Variants in SORL1 observed in about 807,000 individuals in gnomAD.
SORL1 encodes sortilin-related receptor.
In SORL1, 127 loss-of-function variants were observed where a neutral mutation model predicts 273.7. That is an observed-to-expected ratio of 0.46 (90% confidence interval 0.40 to 0.54). SORL1 has a LOEUF of 0.54. Ranked by LOEUF, SORL1 falls within the 20% of genes least tolerant of loss-of-function variation. SORL1 has a pLI of 0.00. For synonymous variants in SORL1, 1,031 were observed against 1,067.4 expected (o/e 0.97, Z 0.66); for missense variants, 2,494 against 2,846.1 (o/e 0.88, Z 2.81).
chr11:121,554,393 G>A lies in SORL1; in HGVS notation c.2439+284G>A, dbSNP rs1862547880. ...GGAAGGTGTTGGGACTAGTAATGTA[G>A]GATGATTAGTTGCCCCCCTATTGTG... is the stretch of plus-strand genomic sequence containing the variant. On this transcript the variant is annotated intron_variant, in intron 17 of 47. Coordinates refer to ENST00000260197, the MANE Select transcript of SORL1 (RefSeq NM_003105.6). This position sits in a 1 kb window ranked among gnomAD's most constrained non-coding sequence, Gnocchi z 4.6. Among the ~76,000 whole-genome samples the A allele has an allele frequency of 6.6e-6, 1 of 152,184 alleles. No homozygotes were observed. Among genetic ancestry groups the A allele is most frequent in the South Asian group, 2.1e-4 (1 of 4,832 alleles).
intron 16 of SORL1, among the ~76,000 whole-genome samples, chr11:121,551,671 A>G (rs1437663100): frequency 1.3e-5 from 2 of 152,186 alleles, no homozygotes; most frequent in Non-Finnish European, 2.9e-5. Context: ...CACCGAATGA[A>G]TCATGAAAGA....
chr11:121,509,140 A>G (rs1861835510), intron 6 of SORL1, among the ~76,000 whole-genome samples: 1 of 148,096 alleles, frequency 6.8e-6, no homozygotes, highest in African/African-American at 2.5e-5. Context: ...TGTAAACAAC[A>G]TTAAGGTGGA....
In SORL1 at chr11:121,542,802, A is replaced by G. The variant is rs182551792; in HGVS notation, c.1686-746A>G. ...TGATTTAGTTATTGCAGTGGGGATA[A>G]TTTTTCTGTAATTATATTATATTAT... is the stretch of plus-strand genomic sequence containing the variant. On this transcript the variant is annotated intron_variant, in intron 12 of 47. Coordinates refer to ENST00000260197, the MANE Select transcript of SORL1 (RefSeq NM_003105.6). Among the ~76,000 whole-genome samples, 104 of 149,160 alleles carry G rather than the reference A, an allele frequency of 7.0e-4. 1 individual carries two copies. Among genetic ancestry groups the G allele is most frequent in the Admixed American group, 2.3e-3 (34 of 14,714 alleles).
chr11:121,579,991 C>T (rs1291538269), intron 25 of SORL1, among the ~76,000 whole-genome samples: 7 of 152,102 alleles, frequency 4.6e-5, no homozygotes, highest in Non-Finnish European at 1.0e-4. Flanking sequence ...TCCATTTCTT[C>T]CTGGCCTCTT....
rs1244058736 is a variant in SORL1, at chr11:121,577,317, G to T, written c.3497G>T (p.Ser1166Ile). 1.9e-6 allele frequency: 3 copies of T among 1,612,992 alleles called. No individual in the cohort carries two copies. The highest frequency in any genetic ancestry group is 3.3e-5 in the Admixed American group (2 of 59,796). Residue 1166 changes from serine to isoleucine, a missense_variant, in exon 25 of 48, where the codon AGT (serine) becomes ATT (isoleucine). Coordinates refer to ENST00000260197, the MANE Select transcript of SORL1 (RefSeq NM_003105.6). ...HQCRSDEYNC[S>I]SGMCIRSSWV... The stretch of plus-strand genomic sequence containing the variant: ...TGCCGGAGTGACGAGTACAACTGCA[G>T]TTCCGGCATGTGCATCCGCTCCTCC...
Position 121,605,394 on chromosome 11 carries a change from TGGGCCAGG to T in SORL1, c.4779-6_4780del. The T allele has an allele frequency of 6.2e-7, 1 of 1,602,540 alleles. No homozygotes were observed. Among genetic ancestry groups the T allele is most frequent in the South Asian group, 1.1e-5 (1 of 90,096 alleles). On this transcript the variant is annotated splice_acceptor_variant and splice_polypyrimidine_tract_variant and coding_sequence_variant and intron_variant, in exon 35 of 48. Transcript: ENST00000260197. LOFTEE classifies it high-confidence loss of function. ...GTGTGACAATATCTTTATTTTTTTT[TGGGCCAGG>T]GTGGTTGGAGAGAGCATATGGAAGA... is the stretch of plus-strand genomic sequence containing the variant.
intron 18 of SORL1, among the ~76,000 whole-genome samples, chr11:121,555,743 A>ATCG (rs1398168621): frequency 6.7e-6 from 1 of 149,812 alleles, no homozygotes. Context: ...TAGCAACAAT[A>ATCG]TCATCATCAT....
intron 24 of SORL1, among the ~76,000 whole-genome samples, chr11:121,576,192 T>C (rs1177568617): frequency 2.0e-5 from 3 of 152,184 alleles, no homozygotes; most frequent in Non-Finnish European, 4.4e-5. Flanking sequence ...TTATAAACAA[T>C]AGTATTTTGT....
chr11:121,485,581 T>C (rs1054439015), intron 3 of SORL1, among the ~76,000 whole-genome samples: 2 of 152,240 alleles, frequency 1.3e-5, no homozygotes, highest in African/African-American at 2.4e-5. Flanking sequence ...GCTATTACCA[T>C]GGACAATAAT....
At position 121,543,585 on chromosome 11, in the gene SORL1, A is replaced by T. The variant is rs768340398; in HGVS notation, c.1723A>T (p.Ile575Phe). 2.5e-6 allele frequency: 4 copies of T among 1,614,118 alleles called. No individual in the cohort carries two copies. Among genetic ancestry groups the T allele is most frequent in the Non-Finnish European group, 3.4e-6 (4 of 1,179,938 alleles). ...TNEGETWKTF[I>F]FSEKPVFVYG... is the part of the protein sequence containing the mutation. ...TGAAGGGGAGACCTGGAAAACATTC[A>T]TCTTCTCTGAGAAGCCAGTGTTTGT... Residue 575 changes from isoleucine to phenylalanine, a missense_variant, in exon 13 of 48, where the codon ATC (isoleucine) becomes TTC (phenylalanine). By Grantham distance (21) the Ile-to-Phe change is conservative. Around this residue, in one of 3 missense-constraint regions of SORL1, gnomAD observed 710 missense variants for 882.5 expected, o/e 0.80. Coordinates refer to ENST00000260197, the MANE Select transcript of SORL1 (RefSeq NM_003105.6).
rs1050845490 is a variant in SORL1, at chr11:121,550,634, C to T, written c.2230C>T (p.Arg744Ter). Residue 744 changes from arginine (R) to a stop codon, truncating the protein, a stop_gained, in exon 16 of 48, where the codon CGA becomes TGA. Coordinates refer to ENST00000260197, the MANE Select transcript of SORL1 (RefSeq NM_003105.6). LOFTEE classifies it high-confidence loss of function. The surrounding 1 kb of genome is among the most constrained non-coding windows in gnomAD (Gnocchi z 5.3). ...TTGTAGCGGAGGAGATGTTGAAGCG[C>T]GACTGGAAGGAGAGCTGGTCCCCTG... ...DTCSGGDVEARLEGELVPCPL... is the reference protein window; with the variant it reads ...DTCSGGDVEA 13 of 1,613,944 alleles carry T rather than the reference C, an allele frequency of 8.1e-6. No homozygotes were observed. Among genetic ancestry groups the T allele is most frequent in the Admixed American group, 3.3e-5 (2 of 59,988 alleles).
chr11:121,624,445 T>C (rs1307552339), intron 45 of SORL1, among the ~76,000 whole-genome samples: 1 of 151,940 alleles, frequency 6.6e-6, no homozygotes, highest in Non-Finnish European at 1.5e-5. Flanking sequence ...AGCACCAGAG[T>C]CCAGGGCTGT....
chr11:121,518,275 C>G (rs1861983484), intron 8 of SORL1, among the ~76,000 whole-genome samples: 1 of 152,060 alleles, frequency 6.6e-6, no homozygotes, highest in Non-Finnish European at 1.5e-5. Flanking sequence ...GAGAAGTGCC[C>G]TGGGGAGGGC....
At chr11:121,567,901 A>G (rs1405951834) in intron 22 of SORL1, among the ~76,000 whole-genome samples, 1 of 151,636 alleles carries the variant, frequency 6.6e-6, no homozygotes, top group Non-Finnish European at 1.5e-5. Context: ...TTTTTTTTAT[A>G]TATATTTTAA....
chr11:121,535,631 G>C (rs1427537021), intron 12 of SORL1, among the ~76,000 whole-genome samples: 1 of 152,068 alleles, frequency 6.6e-6, no homozygotes, highest in Non-Finnish European at 1.5e-5. Flanking sequence ...GGTTGTAGTG[G>C]GGACAGCAAT....
rs1862028998 is a variant in SORL1 at position 121,520,758 on chromosome 11, T to A, written c.1313T>A (p.Met438Lys). 6.2e-7 allele frequency: 1 copy of A among 1,604,634 alleles called. No homozygotes were observed. Among genetic ancestry groups the A allele is most frequent in the South Asian group, 1.1e-5 (1 of 90,674 alleles). The change falls in exon 9 of 48, where the codon ATG becomes AAG. Residue 438 changes from methionine to lysine, a missense_variant. This residue lies in a region of SORL1 where 710 missense variants were observed against 882.5 expected (regional missense o/e 0.80). Transcript: ENST00000260197. ...AATGGTTCTATGAATGAGGAGAACA[T>A]GAGATCGGTCATCACCTTTGACAAA... ...LINGSMNEEN[M>K]RSVITFDKGG...
Position 121,612,746 on chromosome 11 carries a change from A to C in SORL1, c.5333A>C (p.Tyr1778Ser), listed in dbSNP as rs1863585473. The C allele has an allele frequency of 6.2e-7, 1 of 1,613,814 alleles. No homozygotes were observed. The highest frequency in any genetic ancestry group is 1.3e-5 in the African/African-American group (1 of 74,922). The change falls in exon 40 of 48, where the codon TAT becomes TCT. Residue 1778 changes from tyrosine to serine, a missense_variant. Physicochemically the swap from Tyr to Ser is moderately radical, Grantham distance 144 (BLOSUM62 -2). Around this residue, in one of 3 missense-constraint regions of SORL1, gnomAD observed 1,609 missense variants for 1,816.4 expected, o/e 0.89. Transcript: ENST00000260197. Reference sequence around the variant, plus strand: ...CTTGGTTCTCGGCAGGTGAATGGCTATGTGGTGAACCTTTTCTGGGCATTT... The same window carrying C: ...CTTGGTTCTCGGCAGGTGAATGGCTCTGTGGTGAACCTTTTCTGGGCATTT... ...TMESDIKVNG[Y>S]VVNLFWAFDT...
chr11:121,593,447 G>A (rs1418674960), intron 31 of SORL1, among the ~76,000 whole-genome samples: 7 of 152,124 alleles, frequency 4.6e-5, no homozygotes, highest in African/African-American at 1.4e-4. Context: ...TTTTTCTCTT[G>A]GAGATACTCC....
intron 5 of SORL1, among the ~76,000 whole-genome samples, chr11:121,491,528 A>G (rs2134815780): frequency 6.6e-6 from 1 of 152,024 alleles, no homozygotes; most frequent in South Asian, 2.1e-4. Context: ...TCGCAAATTG[A>G]CTCTTGATCT....
Sources: gnomAD v4.1 joint callset for allele counts (sites outside exome capture counted in the v4.1 genomes callset) on GRCh38, gnomAD v4.1.1 for gene constraint, gnomAD v4.1.1 regional missense constraint, Gnocchi (gnomAD v3.1) non-coding constraint, MANE v1.5 for transcripts, NCBI Gene and HGNC (gene_info 2026-07-23, HGNC 2026-07-21) for gene names.